Variants in BAIAP2 observed in about 807,000 individuals in gnomAD.
The protein encoded by BAIAP2 is BAR/IMD domain-containing adapter protein 2.
A neutral mutation model predicts 63.0 loss-of-function variants in BAIAP2; 18 were observed. The ratio of observed to expected loss-of-function variants is 0.29; its 90% confidence interval spans 0.20 to 0.42. The LOEUF (loss-of-function observed/expected upper bound fraction) is 0.42, where lower values mean the gene tolerates loss of function less well. BAIAP2 is among the 10% of genes least tolerant of loss of function. The pLI, the probability that BAIAP2 is intolerant of heterozygous loss-of-function variation, is 1.00. For synonymous variants in BAIAP2, 386 were observed against 307.6 expected (o/e 1.25, Z -2.67); for missense variants, 610 against 734.3 (o/e 0.83, Z 1.96).
intron 6 of BAIAP2, among the ~76,000 whole-genome samples, chr17:81,089,572 C>A (rs995149753): frequency 6.0e-4 from 1 of 1,674 alleles, no homozygotes; most frequent in South Asian, 0.12. Flanking sequence ...AGCCACAGCA[C>A]CTGTTTCCCA....
intron 2 of BAIAP2, 121 bp from the exon 3 acceptor site, chr17:81,057,760 C>T (rs984038831): frequency 3.2e-5 from 45 of 1,422,182 alleles, no homozygotes; most frequent in South Asian, 4.8e-5. Context: ...CGAGTATTCT[C>T]CCAGCTTGTC....
chr17:81,108,904 A>G (rs1359756699), intron 13 of BAIAP2: 1 of 1,524,470 alleles, frequency 6.6e-7, no homozygotes, highest in African/African-American at 1.4e-5. Flanking sequence ...GTGCTGGCGG[A>G]CTCGCCGCCT....
rs143096658 is a variant in BAIAP2, at chr17:81,059,830, G to A, written c.217+1863G>A. Among the ~76,000 whole-genome samples, 246 of 152,160 alleles carry A rather than the reference G, an allele frequency of 1.6e-3. 3 individuals carry two copies. In the East Asian group the frequency reaches 0.027, roughly 17 times the overall value. On this transcript the variant is annotated intron_variant, in intron 3 of 13. Transcript: ENST00000428708. ...GACCAGGTGTCTTCGCCCCTTGGTC[G>A]CATGAGGGTCTGCCCGTGGGGAACT...
rs1568179059 is a variant in BAIAP2 at position 81,104,119 on chromosome 17, CGCTGGGGTGTTGG to C, written c.1066+20_1066+32del. The C allele has an allele frequency of 1.2e-6, 2 of 1,612,680 alleles. No homozygotes were observed. Among genetic ancestry groups the C allele is most frequent in the Admixed American group, 3.3e-5 (2 of 59,984 alleles). On this transcript the variant is annotated intron_variant, in intron 9 of 13. Coordinates refer to ENST00000428708, the MANE Select transcript of BAIAP2 (RefSeq NM_001144888.2). ...ACAGCTATGCCACCAGTAAGGGCTC[CGCTGGGGTGTTGG>C]GCTGGGGTCCCTGGACGTGCCTCCT...
intron 1 of BAIAP2, among the ~76,000 whole-genome samples, chr17:81,047,597 G>C (rs2048009991): frequency 6.6e-6 from 1 of 150,994 alleles, no homozygotes; most frequent in African/African-American, 2.4e-5. Flanking sequence ...GCACACACGG[G>C]TCCACGTGTG....
chr17:81,089,124 C>T (rs1036190609), intron 6 of BAIAP2, among the ~76,000 whole-genome samples: 9 of 152,276 alleles, frequency 5.9e-5, no homozygotes, highest in African/African-American at 4.8e-5. Context: ...ACAGCTAGCT[C>T]CTCAAGCCCA....
intron 7 of BAIAP2, among the ~76,000 whole-genome samples, chr17:81,100,311 C>T (rs1376838283): frequency 6.6e-6 from 1 of 152,206 alleles, no homozygotes; most frequent in African/African-American, 2.4e-5. Context: ...CAGGGAGAGT[C>T]TGATGGGCTT....
At chr17:81,098,475 T>C (rs188962442) in intron 6 of BAIAP2, among the ~76,000 whole-genome samples, 1 of 152,044 alleles carries the variant, frequency 6.6e-6, no homozygotes, top group Non-Finnish European at 1.5e-5. Flanking sequence ...TTGACCACGG[T>C]AACCATCTTT....
intron 3 of BAIAP2, among the ~76,000 whole-genome samples, chr17:81,059,812 T>G (rs2050232503): frequency 6.6e-6 from 1 of 152,034 alleles, no homozygotes; most frequent in South Asian, 2.1e-4. Context: ...GAGGACCAGG[T>G]GTCTTCGCCC....
intron 1 of BAIAP2, among the ~76,000 whole-genome samples, chr17:81,051,560 C>T (rs552087845): frequency 2.0e-5 from 3 of 152,284 alleles, no homozygotes; most frequent in African/African-American, 7.2e-5. Context: ...CCACCAAGCC[C>T]GGCTTTTTGT....
intron 7 of BAIAP2, among the ~76,000 whole-genome samples, chr17:81,101,285 C>G (rs931603946): frequency 1.3e-5 from 2 of 152,120 alleles, no homozygotes; most frequent in South Asian, 2.1e-4. Context: ...CAGCAGCCCC[C>G]TCCATGGATA....
At chr17:81,089,882 C>T (rs1414886852) in intron 6 of BAIAP2, among the ~76,000 whole-genome samples, 1 of 152,296 alleles carries the variant, frequency 6.6e-6, no homozygotes, top group African/African-American at 2.4e-5. Flanking sequence ...GGTGGCCCAG[C>T]AGCCCCCTTG....
intron 3 of BAIAP2, among the ~76,000 whole-genome samples, chr17:81,069,704 C>A (rs1403967587): frequency 6.6e-6 from 1 of 152,214 alleles, no homozygotes; most frequent in Non-Finnish European, 1.5e-5. Flanking sequence ...GGACTCTCCC[C>A]CGCCAGGACT....
intron 3 of BAIAP2, among the ~76,000 whole-genome samples, chr17:81,070,308 C>G (rs1333952866): frequency 6.6e-6 from 1 of 152,214 alleles, no homozygotes; most frequent in African/African-American, 2.4e-5. Context: ...GGAACAGGCC[C>G]TGCTCCAAGC....
At chr17:81,089,332 A>G (rs1012850224) in intron 6 of BAIAP2, among the ~76,000 whole-genome samples, 10 of 152,126 alleles carry the variant, frequency 6.6e-5, no homozygotes, top group African/African-American at 2.4e-4. Flanking sequence ...TGACTGGCCC[A>G]AGGGTCACCT....
chr17:81,075,904 G>T (rs1371149799), intron 3 of BAIAP2, among the ~76,000 whole-genome samples: 1 of 152,068 alleles, frequency 6.6e-6, no homozygotes, highest in Admixed American at 6.5e-5. Flanking sequence ...GTTCTGCCAG[G>T]GTCTGTGTAT....
chr17:81,036,786 A>C lies in BAIAP2; in HGVS notation c.54+1478A>C, dbSNP rs191677231. On this transcript the variant is annotated intron_variant, in intron 1 of 13. Coordinates refer to ENST00000428708, the MANE Select transcript of BAIAP2 (RefSeq NM_001144888.2). ...CGGTTCTGGCCTTGTTGCTCTGTGG[A>C]AGCACATGTTGTCAAGGGAGGGAGG... 9.4e-5 allele frequency: 119 copies of C among 1,263,600 alleles called. No homozygotes were observed. The African/African-American group carries it at 1.3e-3, about 14-fold the overall frequency. The allele number at this position is 1,263,600 out of a possible 1,614,324, so 78.3% of individuals were successfully genotyped here. A position where few individuals can be genotyped will look rare whatever the true frequency, so the allele number is the denominator to read the frequency against.
intron 6 of BAIAP2, among the ~76,000 whole-genome samples, chr17:81,092,851 TTC>T (rs754715077): frequency 3.6e-4 from 54 of 152,100 alleles, no homozygotes; most frequent in Non-Finnish European, 6.8e-4. Flanking sequence ...AGGGGACACC[TTC>T]TCTGTGGGTT....
At chr17:81,056,153 C>T (rs946356954) in intron 2 of BAIAP2, among the ~76,000 whole-genome samples, 4 of 152,098 alleles carry the variant, frequency 2.6e-5, no homozygotes, top group South Asian at 2.1e-4. Flanking sequence ...GGCTGAGGCC[C>T]GGCTCGAGGT....
Sources: allele counts gnomAD v4.1 joint callset (sites outside exome capture counted in the v4.1 genomes callset), GRCh38; gene constraint gnomAD v4.1.1; transcripts MANE v1.5; gene names NCBI Gene and HGNC (gene_info 2026-07-23, HGNC 2026-07-21).